Variants in ANKDD1B observed in about 807,000 individuals in gnomAD.
ANKDD1B encodes the protein ankyrin repeat and death domain containing 1B.
In ANKDD1B, 57 loss-of-function variants were observed where a neutral mutation model predicts 59.7. That is an observed-to-expected ratio of 0.95 (90% confidence interval 0.77 to 1.19). ANKDD1B has a LOEUF of 1.19. Among genes scored for constraint, ANKDD1B ranks in the 50% most tolerant of loss-of-function variants. The pLI is 0.00. For missense variants in ANKDD1B, 602 were observed against 641.9 expected, an observed-to-expected ratio of 0.94 and a Z score of 0.67; for synonymous variants, 216 against 239.5, an observed-to-expected ratio of 0.90 and a Z score of 0.91.
chr5:75,661,128 G>A (rs1775126536), intron 10 of ANKDD1B, among the ~76,000 whole-genome samples: 1 of 150,900 alleles, frequency 6.6e-6, no homozygotes, highest in Non-Finnish European at 1.5e-5. Flanking sequence ...GCTGGGCGCG[G>A]TGGCTCACAC....
chr5:75,647,833 CAA>C (rs1217024848), intron 7 of ANKDD1B, among the ~76,000 whole-genome samples: 1 of 120,808 alleles, frequency 8.3e-6, no homozygotes, highest in East Asian at 2.2e-4. Context: ...TTCACAATAG[CAA>C]AGACTTGGAA....
At chr5:75,666,256 A>T (rs1285363978) in intron 11 of ANKDD1B, among the ~76,000 whole-genome samples, 3 of 151,282 alleles carry the variant, frequency 2.0e-5, no homozygotes, top group Non-Finnish European at 4.4e-5. Flanking sequence ...TGTCCTCTCC[A>T]CTCCCTTAGT....
At chr5:75,619,590 G>T (rs1773794797) in intron 2 of ANKDD1B, among the ~76,000 whole-genome samples, 1 of 152,160 alleles carries the variant, frequency 6.6e-6, no homozygotes, top group African/African-American at 2.4e-5. Context: ...GAATAGTAAA[G>T]CCATGCCCAG....
chr5:75,648,026 C>G (rs1179414987), intron 7 of ANKDD1B, among the ~76,000 whole-genome samples: 1 of 118,674 alleles, frequency 8.4e-6, no homozygotes, highest in Non-Finnish European at 1.6e-5. Flanking sequence ...ACCGCATATT[C>G]TCACTCATAG....
chr5:75,611,555 T>G lies in ANKDD1B; in HGVS notation c.-80T>G. 1 of 1,147,570 alleles carries G rather than the reference T, an allele frequency of 8.7e-7. No individual in the cohort carries two copies. The highest frequency in any genetic ancestry group is 1.1e-6 in the Non-Finnish European group (1 of 913,616). 71.1% of individuals were successfully genotyped at this position (1,147,570 alleles called of 1,614,324 possible). On this transcript the variant is annotated 5_prime_UTR_variant, in exon 1 of 14. Transcript: ENST00000601380. ...CCCGCGCCCTGGGCCTGCCTGGGTC[T>G]GGATCTGTGTCCGAGTCTGGGTCTG...
intron 10 of ANKDD1B, among the ~76,000 whole-genome samples, chr5:75,661,414 A>AAAAAAAAAAAAAAAAAAAAAG (rs1471501853): frequency 7.6e-6 from 1 of 131,476 alleles, no homozygotes; most frequent in Non-Finnish European, 1.5e-5. Context: ...AAAAAAAAAA[A>AAAAAAAAAAAAAAAAAAAAAG]AAAAAAAAAA....
chr5:75,635,799 T>A lies in ANKDD1B; in HGVS notation c.715T>A (p.Leu239Met), dbSNP rs960591967. 1.3e-6 allele frequency: 2 copies of A among 1,533,108 alleles called. No individual in the cohort carries two copies. Among genetic ancestry groups the A allele is most frequent in the Non-Finnish European group, 1.7e-6 (2 of 1,144,560 alleles). The allele number at this position is 1,533,108 out of a possible 1,614,324, so 95.0% of individuals were successfully genotyped here. A position where few individuals can be genotyped will look rare whatever the true frequency, so the allele number is the denominator to read the frequency against. Residue 239 changes from leucine (L) to methionine (M), a missense_variant, in exon 7 of 14, where the codon TTG becomes ATG. Around this residue, in one of 3 missense-constraint regions of ANKDD1B, gnomAD observed 317 missense variants for 304.6 expected, o/e 1.04. Coordinates refer to ENST00000601380, the MANE Select transcript of ANKDD1B (RefSeq NM_001276713.2). ...TCTGTTGCAGGGGGGAAACACTGCCTTGCACCTCGCTGCGAAGCATGGTCA... is the reference window on the plus strand; with the variant it reads ...TCTGTTGCAGGGGGGAAACACTGCCATGCACCTCGCTGCGAAGCATGGTCA... ...SEKDKGGNTALHLAAKHGHSP... is the reference protein window; with the variant it reads ...SEKDKGGNTAMHLAAKHGHSP...
At chr5:75,628,002 C>T (rs1291078783) in intron 5 of ANKDD1B, among the ~76,000 whole-genome samples, 1 of 152,212 alleles carries the variant, frequency 6.6e-6, no homozygotes, top group South Asian at 2.1e-4. Context: ...AGATCTTAAA[C>T]TGAGTTCAGA....
In ANKDD1B at chr5:75,611,561, T is replaced by A; in HGVS notation, c.-74T>A. The A allele has an allele frequency of 7.2e-6, 8 of 1,112,740 alleles. No individual in the cohort carries two copies. Among genetic ancestry groups the A allele is most frequent in the Non-Finnish European group, 9.0e-6 (8 of 885,246 alleles). 68.9% of individuals were successfully genotyped at this position (1,112,740 alleles called of 1,614,324 possible). On this transcript the variant is annotated 5_prime_UTR_variant, in exon 1 of 14. Transcript: ENST00000601380. ...CCCTGGGCCTGCCTGGGTCTGGATC[T>A]GTGTCCGAGTCTGGGTCTGGATCTG...
intron 12 of ANKDD1B, among the ~76,000 whole-genome samples, chr5:75,668,932 T>C (rs1775390121): frequency 6.6e-6 from 1 of 152,194 alleles, no homozygotes; most frequent in African/African-American, 2.4e-5. Context: ...AAATAAGCAC[T>C]GTGAGTTTGA....
chr5:75,627,230 A>G (rs1196204763), intron 5 of ANKDD1B, among the ~76,000 whole-genome samples: 1 of 152,234 alleles, frequency 6.6e-6, no homozygotes, highest in Non-Finnish European at 1.5e-5. Context: ...AATGGAAACA[A>G]TAAAATCTAC....
At chr5:75,622,060 C>G (rs11960437) in intron 3 of ANKDD1B, among the ~76,000 whole-genome samples, 1,870 of 152,342 alleles carry the variant, frequency 0.012, 39 homozygotes, top group African/African-American at 0.041. Flanking sequence ...TTGACCCAAT[C>G]TGGCAGCTTC....
chr5:75,615,308 A>T (rs754524174), intron 1 of ANKDD1B, among the ~76,000 whole-genome samples: 7 of 152,138 alleles, frequency 4.6e-5, no homozygotes, highest in Non-Finnish European at 5.9e-5. Flanking sequence ...TTTGATGGCT[A>T]AGGTCAGATC....
intron 5 of ANKDD1B, among the ~76,000 whole-genome samples, chr5:75,629,689 C>A (rs967036241): frequency 1.3e-5 from 2 of 152,104 alleles, no homozygotes; most frequent in Non-Finnish European, 2.9e-5. Context: ...AATCCCAGCA[C>A]TTTGGGAGAC....
intron 7 of ANKDD1B, among the ~76,000 whole-genome samples, chr5:75,644,983 T>A (rs1351716825): frequency 2.3e-5 from 3 of 132,688 alleles, no homozygotes; most frequent in Non-Finnish European, 4.5e-5. Context: ...CTGAACAACC[T>A]GCTCCTGAAT....
chr5:75,648,579 A>C (rs1292051512), intron 7 of ANKDD1B, among the ~76,000 whole-genome samples: 1 of 152,172 alleles, frequency 6.6e-6, no homozygotes, highest in Admixed American at 6.5e-5. Context: ...CCTTACAGCC[A>C]GTGGTCTCAG....
At chr5:75,648,849 C>G (rs560657354) in intron 7 of ANKDD1B, among the ~76,000 whole-genome samples, 2 of 152,312 alleles carry the variant, frequency 1.3e-5, no homozygotes, top group South Asian at 4.1e-4. Flanking sequence ...TGTGTTTGAT[C>G]TTGGACACAC....
At chr5:75,625,568 T>C in intron 3 of ANKDD1B, 79 bp from the exon 4 acceptor site, 1 of 998,224 alleles carries the variant, frequency 1.0e-6, no homozygotes, top group Non-Finnish European at 1.5e-6. Flanking sequence ...TAGTATTAAT[T>C]TGGCCTTTGT....
At chr5:75,615,666 C>T (rs1773696355) in intron 1 of ANKDD1B, among the ~76,000 whole-genome samples, 1 of 136,734 alleles carries the variant, frequency 7.3e-6, no homozygotes, top group Non-Finnish European at 1.5e-5. Flanking sequence ...ACCTGGTCTT[C>T]CCTGTGTGTG....
Sources: allele counts gnomAD v4.1 joint callset (sites outside exome capture counted in the v4.1 genomes callset), GRCh38; gene constraint gnomAD v4.1.1; regional missense constraint gnomAD v4.1.1; transcripts MANE v1.5; gene names NCBI Gene and HGNC (gene_info 2026-07-23, HGNC 2026-07-21).